Variants in GPATCH2 observed in about 807,000 individuals in gnomAD.
The protein encoded by GPATCH2 is G-patch domain containing 2.
In GPATCH2, 51 loss-of-function variants were observed where a neutral mutation model predicts 58.0. The ratio of observed to expected loss-of-function variants is 0.88; its 90% CI spans 0.70 to 1.11. The LOEUF (loss-of-function observed/expected upper bound fraction) is 1.11, where lower values mean the gene tolerates loss of function less well. Among genes scored for constraint, GPATCH2 ranks in the 50% most tolerant of loss-of-function variants. GPATCH2 has a pLI of 0.00. For missense variants in GPATCH2, 625 were observed against 652.2 expected, an observed-to-expected ratio of 0.96 and a Z score of 0.45; for synonymous variants, 222 against 218.5, an observed-to-expected ratio of 1.02 and a Z score of -0.14.
At chr1:217,582,839 C>A (rs4846424) in intron 5 of GPATCH2, among the ~76,000 whole-genome samples, 31,439 of 152,086 alleles carry the variant, frequency 0.21, 4,241 homozygotes, top group East Asian at 0.52. Flanking sequence ...TAACATTTGA[C>A]AATAAAATAT....
intron 5 of GPATCH2, among the ~76,000 whole-genome samples, chr1:217,521,806 A>G (rs1366408900): frequency 6.6e-6 from 1 of 152,302 alleles, no homozygotes; most frequent in South Asian, 2.1e-4. Context: ...AAAAAAAAAT[A>G]GCCAAAGATA....
rs1483650054 is a variant in GPATCH2, at chr1:217,543,329, G to A, written c.1099-28440C>T. Among the ~76,000 whole-genome samples the A allele has an allele frequency of 2.7e-5, 4 of 149,950 alleles. No homozygotes were observed. The East Asian group carries it at 8.0e-4, about 30-fold the overall frequency. ...CTGTCGCCCAGGCTGGAGTGCAGTG[G>A]CGCAATCTCGGCTCACTGCAAGCTC... On this transcript the variant is annotated intron_variant, in intron 5 of 9. Coordinates refer to ENST00000366935, the MANE Select transcript of GPATCH2 (RefSeq NM_018040.5).
At chr1:217,505,956 G>C (rs1662534673) in intron 6 of GPATCH2, among the ~76,000 whole-genome samples, 1 of 152,158 alleles carries the variant, frequency 6.6e-6, no homozygotes, top group Non-Finnish European at 1.5e-5. Context: ...CCAACTGGTT[G>C]GGATTACAGG....
chr1:217,611,493 C>G (rs1052479676), intron 3 of GPATCH2, among the ~76,000 whole-genome samples: 4 of 152,046 alleles, frequency 2.6e-5, no homozygotes, highest in Admixed American at 2.6e-4. Context: ...CAATAATAAA[C>G]TGGTTAATCC....
At chr1:217,576,803 A>G (rs1471392561) in intron 5 of GPATCH2, among the ~76,000 whole-genome samples, 2 of 152,218 alleles carry the variant, frequency 1.3e-5, no homozygotes, top group African/African-American at 4.8e-5. Flanking sequence ...AAACAAATCT[A>G]TATCTTCTAC....
At chr1:217,561,463 C>T (rs1312965552) in intron 5 of GPATCH2, among the ~76,000 whole-genome samples, 1 of 152,190 alleles carries the variant, frequency 6.6e-6, no homozygotes, top group East Asian at 1.9e-4. Flanking sequence ...TGACGTTTGT[C>T]ATCGAGGTGT....
intron 5 of GPATCH2, among the ~76,000 whole-genome samples, chr1:217,532,936 G>A (rs1016823370): frequency 3.6e-5 from 5 of 137,868 alleles, no homozygotes; most frequent in Non-Finnish European, 7.6e-5. Context: ...TCTCCCTCTG[G>A]CACCCAGGCT....
chr1:217,580,678 A>C (rs999900671), intron 5 of GPATCH2, among the ~76,000 whole-genome samples: 3 of 151,978 alleles, frequency 2.0e-5, no homozygotes, highest in Non-Finnish European at 2.9e-5. Flanking sequence ...AAGCTTTGCT[A>C]CTTACTAAGA....
intron 8 of GPATCH2, among the ~76,000 whole-genome samples, chr1:217,482,474 C>A (rs997888561): frequency 6.6e-6 from 1 of 152,046 alleles, no homozygotes; most frequent in Non-Finnish European, 1.5e-5. Flanking sequence ...GCAGAGGTAA[C>A]AGCAGGTGCA....
chr1:217,521,441 T>C (rs1370761976), intron 5 of GPATCH2, among the ~76,000 whole-genome samples: 2 of 150,764 alleles, frequency 1.3e-5, no homozygotes, highest in Non-Finnish European at 3.0e-5. Flanking sequence ...GGCCTGAATC[T>C]AGAATACACT....
intron 8 of GPATCH2, among the ~76,000 whole-genome samples, chr1:217,477,593 C>T (rs957053117): frequency 6.6e-6 from 1 of 152,072 alleles, no homozygotes; most frequent in African/African-American, 2.4e-5. Context: ...GGCAGTACTC[C>T]CCATGGCCTG....
At chr1:217,445,311 T>A (rs1049597209) in intron 9 of GPATCH2, among the ~76,000 whole-genome samples, 7 of 152,116 alleles carry the variant, frequency 4.6e-5, no homozygotes, top group Admixed American at 2.6e-4. Flanking sequence ...CAAAATTTTT[T>A]AAAAATATAG....
chr1:217,449,845 C>T (rs1659577414), intron 8 of GPATCH2, among the ~76,000 whole-genome samples: 1 of 152,092 alleles, frequency 6.6e-6, no homozygotes, highest in Admixed American at 6.5e-5. Flanking sequence ...GATTAGAATT[C>T]TTCAGTTAAT....
intron 5 of GPATCH2, chr1:217,609,270 TC>T: frequency 1.0e-6 from 1 of 984,542 alleles, no homozygotes; most frequent in Non-Finnish European, 1.2e-6. Context: ...ACACATATGG[TC>T]TGCCATTCTA....
intron 1 of GPATCH2, among the ~76,000 whole-genome samples, chr1:217,629,225 A>T (rs571108388): frequency 0.19 from 28,192 of 149,146 alleles, 2,931 homozygotes; most frequent in Middle Eastern, 0.24. Flanking sequence ...CATTCCAGAT[A>T]GTCATACAGA....
intron 5 of GPATCH2, among the ~76,000 whole-genome samples, chr1:217,521,758 T>A (rs1367984112): frequency 2.0e-5 from 3 of 152,094 alleles, no homozygotes; most frequent in African/African-American, 7.2e-5. Context: ...TAAATCTAAA[T>A]ACGTGATTAC....
At chr1:217,595,415 G>A (rs1396494094) in intron 5 of GPATCH2, among the ~76,000 whole-genome samples, 1 of 151,964 alleles carries the variant, frequency 6.6e-6, no homozygotes, top group African/African-American at 2.4e-5. Flanking sequence ...TATAGCTCTA[G>A]CTGAAAATAT....
intron 5 of GPATCH2, among the ~76,000 whole-genome samples, chr1:217,559,986 G>C (rs1001152132): frequency 6.6e-6 from 1 of 151,966 alleles, no homozygotes. Context: ...GTAGCTGGGA[G>C]TACAGGCACA....
At chr1:217,527,159 T>C (rs1663949630) in intron 5 of GPATCH2, among the ~76,000 whole-genome samples, 1 of 152,214 alleles carries the variant, frequency 6.6e-6, no homozygotes, top group Admixed American at 6.5e-5. Context: ...AATGCATTAA[T>C]AATAGAAATA....
Sources: allele counts gnomAD v4.1 joint callset (sites outside exome capture counted in the v4.1 genomes callset), GRCh38; gene constraint gnomAD v4.1.1; transcripts MANE v1.5; gene names NCBI Gene and HGNC (gene_info 2026-07-23, HGNC 2026-07-21).